GRM5: variants seen among roughly 807,000 people sequenced by gnomAD.
The protein encoded by GRM5 is metabotropic glutamate receptor 5.
GRM5 carries 19 observed loss-of-function variants against 83.1 expected under a neutral mutation model. The ratio of observed to expected loss-of-function variants is 0.23; its 90% CI spans 0.16 to 0.34. GRM5 has a LOEUF of 0.34. Ranked by LOEUF, GRM5 falls within the 10% of genes least tolerant of loss-of-function variation. GRM5 has a pLI of 1.00. For missense variants in GRM5, 1,160 were observed against 1,588.3 expected, an observed-to-expected ratio of 0.73 and a Z score of 4.58; for synonymous variants, 675 against 633.6, an observed-to-expected ratio of 1.07 and a Z score of -0.98.
chr11:88,988,301 G>C (rs966305658), intron 2 of GRM5, among the ~76,000 whole-genome samples: 1 of 151,524 alleles, frequency 6.6e-6, no homozygotes, highest in Non-Finnish European at 1.5e-5. Context: ...GAGAAGGGAA[G>C]TTTAGAGAAA....
chr11:88,759,767 A>AAT (rs1393848248), intron 3 of GRM5, among the ~76,000 whole-genome samples: 1 of 152,152 alleles, frequency 6.6e-6, no homozygotes, highest in Non-Finnish European at 1.5e-5. Context: ...AAAACAAAGG[A>AAT]ATATATATTC....
chr11:88,660,290 A>T (rs1216807951), intron 3 of GRM5, among the ~76,000 whole-genome samples: 1 of 152,176 alleles, frequency 6.6e-6, no homozygotes, highest in Admixed American at 6.6e-5. Flanking sequence ...CCTCCCTAAG[A>T]TTATTCTCTG....
chr11:88,611,122 A>AT (rs1367027107), intron 4 of GRM5, among the ~76,000 whole-genome samples: 4 of 152,098 alleles, frequency 2.6e-5, no homozygotes, highest in South Asian at 2.1e-4. Flanking sequence ...GTTTGCTAGT[A>AT]TTTTTTGAGG....
intron 2 of GRM5, among the ~76,000 whole-genome samples, chr11:88,946,360 C>T (rs866041201): frequency 2.0e-5 from 3 of 152,060 alleles, no homozygotes; most frequent in East Asian, 1.9e-4. Flanking sequence ...AGCTATCATT[C>T]GACCTAGCCC....
intron 2 of GRM5, among the ~76,000 whole-genome samples, chr11:89,022,131 C>T (rs1940999808): frequency 6.6e-6 from 1 of 152,148 alleles, no homozygotes; most frequent in Admixed American, 6.6e-5. Flanking sequence ...TTTAACTAAA[C>T]ACATGCCTGG....
chr11:88,519,193 C>T (rs1452099525), intron 9 of GRM5, among the ~76,000 whole-genome samples: 1 of 151,466 alleles, frequency 6.6e-6, no homozygotes, highest in Non-Finnish European at 1.5e-5. Flanking sequence ...TTCCTTCTCC[C>T]TGGAAGAAGA....
chr11:88,989,611 G>A (rs367714119), intron 2 of GRM5, among the ~76,000 whole-genome samples: 2 of 138,510 alleles, frequency 1.4e-5, no homozygotes, highest in African/African-American at 5.7e-5. Flanking sequence ...ATACTTGGAA[G>A]TAAAGCTCTC....
intron 1 of GRM5, among the ~76,000 whole-genome samples, chr11:89,055,260 T>G (rs1469723589): frequency 3.3e-5 from 5 of 152,252 alleles, no homozygotes; most frequent in Admixed American, 1.3e-4. Context: ...CTTAGGCATT[T>G]AGCCTCTCTG....
chr11:88,852,688 T>C (rs1944407134), intron 2 of GRM5, among the ~76,000 whole-genome samples: 2 of 152,122 alleles, frequency 1.3e-5, no homozygotes, highest in South Asian at 4.1e-4. Context: ...GAAAGTTTAC[T>C]TGAAACATTT....
intron 1 of GRM5, among the ~76,000 whole-genome samples, chr11:89,051,183 G>C (rs1941752615): frequency 6.6e-6 from 1 of 151,974 alleles, no homozygotes; most frequent in Non-Finnish European, 1.5e-5. Context: ...GTGAACCCGA[G>C]AGGCAGGGCT....
intron 2 of GRM5, among the ~76,000 whole-genome samples, chr11:89,016,627 C>G (rs553872672): frequency 2.6e-5 from 4 of 152,016 alleles, no homozygotes; most frequent in African/African-American, 9.7e-5. Flanking sequence ...TTAGAGAAGT[C>G]GAGTGATTTT....
intron 3 of GRM5, among the ~76,000 whole-genome samples, chr11:88,668,058 G>A (rs1469426659): frequency 6.6e-6 from 1 of 151,964 alleles, no homozygotes; most frequent in African/African-American, 2.4e-5. Flanking sequence ...AAAGAATATT[G>A]TGAAATATGT....
chr11:88,993,886 T>C (rs1415112845), intron 2 of GRM5, among the ~76,000 whole-genome samples: 1 of 152,116 alleles, frequency 6.6e-6, no homozygotes, highest in Non-Finnish European at 1.5e-5. Flanking sequence ...CATACCCAAC[T>C]AGTTGTTTTG....
At position 88,629,353 on chromosome 11, in the gene GRM5, A is replaced by G. The variant is rs911917764; in HGVS notation, c.1147+23815T>C. On this transcript the variant is annotated intron_variant, in intron 4 of 9. Coordinates refer to ENST00000305447, the MANE Select transcript of GRM5 (RefSeq NM_001143831.3). Reference sequence around the variant, plus strand: ...AATATGTCAGCTATGCGCCGTACATATCTATAGTCAGCTGCACCTTACCTA... The same window carrying G: ...AATATGTCAGCTATGCGCCGTACATGTCTATAGTCAGCTGCACCTTACCTA... Among the ~76,000 whole-genome samples the G allele has an allele frequency of 6.6e-5, 10 of 152,168 alleles. 1 individual carries two copies. The highest frequency in any genetic ancestry group is 6.6e-4 in the Admixed American group (10 of 15,264).
At chr11:88,693,092 A>T (rs1027095532) in intron 3 of GRM5, among the ~76,000 whole-genome samples, 3 of 152,196 alleles carry the variant, frequency 2.0e-5, no homozygotes, top group Non-Finnish European at 4.4e-5. Flanking sequence ...GGAAAAAAAA[A>T]GTTTAAAGCT....
chr11:89,016,712 T>C (rs946264840), intron 2 of GRM5, among the ~76,000 whole-genome samples: 1 of 152,160 alleles, frequency 6.6e-6, no homozygotes, highest in Non-Finnish European at 1.5e-5. Flanking sequence ...TGTACTTTAG[T>C]GGGCATGCTT....
At chr11:88,649,060 T>TATATATTATAATATATAATAC (rs1343843113) in intron 4 of GRM5, among the ~76,000 whole-genome samples, 1 of 145,154 alleles carries the variant, frequency 6.9e-6, no homozygotes, top group African/African-American at 2.5e-5. Context: ...ATATATAATA[T>TATATATTATAATATATAATAC]ATATATTATA....
intron 3 of GRM5, among the ~76,000 whole-genome samples, chr11:88,691,954 C>T (rs1047322329): frequency 2.6e-5 from 4 of 152,318 alleles, no homozygotes; most frequent in Admixed American, 1.3e-4. Context: ...ACTTGCTTAG[C>T]ATGGCCTATG....
At chr11:88,673,815 CG>C (rs377545220) in intron 3 of GRM5, among the ~76,000 whole-genome samples, 45 of 151,004 alleles carry the variant, frequency 3.0e-4, no homozygotes, top group African/African-American at 9.7e-4. Flanking sequence ...ACAAGAGAAG[CG>C]TAGAGAAACA....
Sources: gnomAD v4.1 joint callset for allele counts (sites outside exome capture counted in the v4.1 genomes callset) on GRCh38, gnomAD v4.1.1 for gene constraint, MANE v1.5 for transcripts, NCBI Gene and HGNC (gene_info 2026-07-23, HGNC 2026-07-21) for gene names.